B3GALT1: variants seen among roughly 807,000 people sequenced by gnomAD.
B3GALT1 encodes UDP-Gal:betaGlcNAc beta 1,3-galactosyltransferase, polypeptide 1.
Under a neutral mutation model 23.2 loss-of-function variants are expected in B3GALT1, and 10 were observed. The observed-to-expected ratio is 0.43, with a 90% CI of 0.27 to 0.73. B3GALT1 has a LOEUF of 0.73. Among genes scored for constraint, B3GALT1 ranks in the 30% least tolerant of loss-of-function variants. The pLI is 0.21. For synonymous variants in B3GALT1, 156 were observed against 141.5 expected, an observed-to-expected ratio of 1.10 and a Z score of -0.73; for missense variants, 299 against 405.4, an observed-to-expected ratio of 0.74 and a Z score of 2.25.
chr2:167,487,018 G>A (rs1699637980), intron 1 of B3GALT1, among the ~76,000 whole-genome samples: 1 of 152,124 alleles, frequency 6.6e-6, no homozygotes, highest in South Asian at 2.1e-4. Context: ...TATTAAATAT[G>A]TGAAATGTAT....
chr2:167,366,846 C>T (rs1362178182), intron 1 of B3GALT1, among the ~76,000 whole-genome samples: 3 of 152,224 alleles, frequency 2.0e-5, no homozygotes, highest in Non-Finnish European at 4.4e-5. Context: ...ACCTCCTCCT[C>T]CTGGAGCTCT....
intron 1 of B3GALT1, among the ~76,000 whole-genome samples, chr2:167,467,509 A>C (rs1699366523): frequency 6.6e-6 from 1 of 152,108 alleles, no homozygotes; most frequent in Non-Finnish European, 1.5e-5. Flanking sequence ...TTGGCTGCTG[A>C]TTTTTTGTTT....
intron 3 of B3GALT1, among the ~76,000 whole-genome samples, chr2:167,738,752 A>G (rs1185970874): frequency 6.6e-6 from 1 of 152,170 alleles, no homozygotes; most frequent in Non-Finnish European, 1.5e-5. Flanking sequence ...TAGAAGTTTC[A>G]GAGAAAAGTC....
chr2:167,387,000 G>A (rs1697938626), intron 1 of B3GALT1, among the ~76,000 whole-genome samples: 2 of 148,982 alleles, frequency 1.3e-5, no homozygotes, highest in Non-Finnish European at 2.9e-5. Flanking sequence ...TTTCAATACT[G>A]GTAGGTAGTC....
intron 1 of B3GALT1, among the ~76,000 whole-genome samples, chr2:167,466,614 T>A (rs1699348433): frequency 1.7e-5 from 2 of 118,388 alleles, no homozygotes; most frequent in Non-Finnish European, 3.6e-5. Context: ...AGCAAGACTC[T>A]GTCAAAAAAA....
At chr2:167,626,943 A>G (rs368296366) in intron 2 of B3GALT1, among the ~76,000 whole-genome samples, 1 of 151,736 alleles carries the variant, frequency 6.6e-6, no homozygotes, top group African/African-American at 2.4e-5. Context: ...GTTTTCTTCA[A>G]AACACAAAGC....
intron 1 of B3GALT1, among the ~76,000 whole-genome samples, chr2:167,300,611 A>G (rs1176860562): frequency 6.6e-6 from 1 of 152,214 alleles, no homozygotes; most frequent in African/African-American, 2.4e-5. Context: ...CTCAGATGCA[A>G]ACTCTAAAAT....
chr2:167,490,730 G>A (rs752752248), intron 2 of B3GALT1, among the ~76,000 whole-genome samples: 3 of 152,092 alleles, frequency 2.0e-5, no homozygotes, highest in Non-Finnish European at 2.9e-5. Flanking sequence ...GGGGAGCTGT[G>A]CTGCTGAGCA....
intron 3 of B3GALT1, among the ~76,000 whole-genome samples, chr2:167,789,168 T>C (rs763796650): frequency 6.6e-6 from 1 of 152,198 alleles, no homozygotes; most frequent in Non-Finnish European, 1.5e-5. Flanking sequence ...GGAAGACAGG[T>C]CACTACATCA....
At position 167,809,522 on chromosome 2, in the gene B3GALT1, G is replaced by C. The variant is rs145209974; in HGVS notation, c.-351-9150G>C. Among the ~76,000 whole-genome samples the C allele has an allele frequency of 2.0e-3, 308 of 152,334 alleles. 11 individuals are homozygous for C. In the East Asian group the frequency reaches 0.049, roughly 24 times the overall value. On this transcript the variant is annotated intron_variant, in intron 3 of 4. Coordinates refer to ENST00000392690, the MANE Select transcript of B3GALT1 (RefSeq NM_020981.4). ...CTAACAGACAGGACCCTCAGCTGCAGGTCTGTTAGAGTTTGCTGGAGGTCT... is the reference window on the plus strand; with the variant it reads ...CTAACAGACAGGACCCTCAGCTGCACGTCTGTTAGAGTTTGCTGGAGGTCT...
chr2:167,360,716 G>T (rs1391310638), intron 1 of B3GALT1, among the ~76,000 whole-genome samples: 1 of 151,996 alleles, frequency 6.6e-6, no homozygotes, highest in African/African-American at 2.4e-5. Context: ...TTTATGTTAG[G>T]AACATTATAG....
At chr2:167,678,435 G>A (rs1349631266) in intron 3 of B3GALT1, among the ~76,000 whole-genome samples, 16 of 152,022 alleles carry the variant, frequency 1.1e-4, no homozygotes, top group Admixed American at 1.0e-3. Context: ...ATCACAATCC[G>A]AGCTTAAGTA....
chr2:167,850,729 C>T (rs1033819573), intron 4 of B3GALT1, among the ~76,000 whole-genome samples: 15 of 152,104 alleles, frequency 9.9e-5, no homozygotes, highest in Admixed American at 2.6e-4. Flanking sequence ...GAAAACCAAA[C>T]GTCGTGTGTG....
intron 3 of B3GALT1, among the ~76,000 whole-genome samples, chr2:167,758,937 G>A (rs1386706363): frequency 1.3e-5 from 2 of 152,088 alleles, no homozygotes; most frequent in East Asian, 3.9e-4. Flanking sequence ...TTTCGTGATG[G>A]TAGGTCCTCA....
intron 2 of B3GALT1, among the ~76,000 whole-genome samples, chr2:167,496,305 G>A (rs988017093): frequency 6.6e-6 from 1 of 152,162 alleles, no homozygotes; most frequent in African/African-American, 2.4e-5. Context: ...TCCAGAATAA[G>A]GAATTTTGAC....
At chr2:167,586,035 G>A (rs1373812616) in intron 2 of B3GALT1, among the ~76,000 whole-genome samples, 1 of 152,190 alleles carries the variant, frequency 6.6e-6, no homozygotes, top group Non-Finnish European at 1.5e-5. Context: ...AAGTGTCTAG[G>A]TAAAGCGCCA....
At chr2:167,660,921 AC>A (rs1279761146) in intron 3 of B3GALT1, among the ~76,000 whole-genome samples, 1 of 152,104 alleles carries the variant, frequency 6.6e-6, no homozygotes, top group African/African-American at 2.4e-5. Context: ...TTCCTGGACT[AC>A]CCTAACACAT....
chr2:167,712,659 C>T (rs572684280), intron 3 of B3GALT1, among the ~76,000 whole-genome samples: 4 of 152,096 alleles, frequency 2.6e-5, no homozygotes, highest in Non-Finnish European at 5.9e-5. Context: ...TTACTCTGTG[C>T]TTACTTGAGA....
intron 3 of B3GALT1, among the ~76,000 whole-genome samples, chr2:167,707,942 G>A (rs1334949398): frequency 6.6e-6 from 1 of 152,118 alleles, no homozygotes; most frequent in East Asian, 1.9e-4. Flanking sequence ...AAATAAAATT[G>A]GTTCAAACAT....
Sources: allele counts gnomAD v4.1 joint callset (sites outside exome capture counted in the v4.1 genomes callset), GRCh38; gene constraint gnomAD v4.1.1; transcripts MANE v1.5; gene names NCBI Gene and HGNC (gene_info 2026-07-23, HGNC 2026-07-21).